Variants in ITGA11 observed in about 807,000 individuals in gnomAD.
ITGA11 encodes integrin alpha-11.
A neutral mutation model predicts 141.9 loss-of-function variants in ITGA11; 97 were observed. The observed-to-expected ratio is 0.68, with a 90% CI of 0.58 to 0.81. The LOEUF (loss-of-function observed/expected upper bound fraction) is 0.81. ITGA11 is among the 30% of genes least tolerant of loss of function. The pLI is 0.00. For synonymous variants in ITGA11, 658 were observed against 624.6 expected, an observed-to-expected ratio of 1.05 and a Z score of -0.80; for missense variants, 1,387 against 1,559.2, an observed-to-expected ratio of 0.89 and a Z score of 1.86.
At chr15:68,363,166 A>T (rs944577889) in intron 4 of ITGA11, among the ~76,000 whole-genome samples, 2 of 152,188 alleles carry the variant, frequency 1.3e-5, no homozygotes, top group Admixed American at 1.3e-4. Context: ...GGGTGGTTGG[A>T]TAGATGAATG....
chr15:68,363,719 C>T (rs1188370186), intron 4 of ITGA11, among the ~76,000 whole-genome samples: 1 of 152,154 alleles, frequency 6.6e-6, no homozygotes, highest in East Asian at 1.9e-4. Context: ...TTTCTAGGAA[C>T]CATCAGTCTC....
In ITGA11 at chr15:68,303,158, A is replaced by T. The variant is rs1473433164; in HGVS notation, c.3496-28T>A. On this transcript the variant is annotated intron_variant, in intron 29 of 29. Transcript: ENST00000315757. This position sits in a 1 kb window ranked among gnomAD's most constrained non-coding sequence, Gnocchi z 5.3. ...GTGAGGAGGCAAAGGGAGACGTCTCAGAGGAGGACAGGGTGGGCAAGGCCT... is the reference window on the plus strand; with the variant it reads ...GTGAGGAGGCAAAGGGAGACGTCTCTGAGGAGGACAGGGTGGGCAAGGCCT... 22 of 1,545,908 alleles carry T rather than the reference A, an allele frequency of 1.4e-5. No individual in the cohort carries two copies. The highest frequency in any genetic ancestry group is 1.9e-5 in the Non-Finnish European group (22 of 1,143,250).
At position 68,409,485 on chromosome 15, in the gene ITGA11, T is replaced by A. The variant is rs144641064; in HGVS notation, c.53-6456A>T. Among the ~76,000 whole-genome samples the A allele has an allele frequency of 8.1e-4, 123 of 152,038 alleles. 1 individual carries two copies. In the South Asian group the frequency reaches 8.4e-3, roughly 10 times the overall value. ...TGACTTAGGTACTGATAGTAGGTAC[T>A]GATAGGTAGTACTGATACTCTACCT... On this transcript the variant is annotated intron_variant, in intron 1 of 29. Transcript: ENST00000315757.
chr15:68,370,010 C>T (rs925067860), intron 2 of ITGA11, among the ~76,000 whole-genome samples: 1 of 152,152 alleles, frequency 6.6e-6, no homozygotes, highest in East Asian at 1.9e-4. Context: ...CACGAGAAGA[C>T]AGAGGCAGAG....
rs1186399978 is a variant in ITGA11, at chr15:68,322,068, T to G, written c.2323-565A>C. Among the ~76,000 whole-genome samples, 1 of 151,422 alleles carries G rather than the reference T, an allele frequency of 6.6e-6. No individual in the cohort carries two copies. The highest frequency in any genetic ancestry group is 1.5e-5 in the Non-Finnish European group (1 of 67,874). ...GTAGCTGTGTGGACCGGGATGGAGG[T>G]GGTGAAGTCCAGGAGGAAGGACGGC... On this transcript the variant is annotated intron_variant, in intron 18 of 29. Coordinates refer to ENST00000315757, the MANE Select transcript of ITGA11 (RefSeq NM_001004439.2). This position sits in a 1 kb window ranked among gnomAD's most constrained non-coding sequence, Gnocchi z 5.6.
chr15:68,385,964 C>T (rs558780300), intron 2 of ITGA11, among the ~76,000 whole-genome samples: 15 of 152,280 alleles, frequency 9.9e-5, no homozygotes, highest in African/African-American at 3.1e-4. Context: ...GGTCCACCTG[C>T]GCCTCCTGGG....
chr15:68,372,575 A>G (rs11072012), intron 2 of ITGA11, among the ~76,000 whole-genome samples: 115,071 of 152,172 alleles, frequency 0.76, 44,036 homozygotes, highest in East Asian at 0.88. Context: ...TGGGCAACAG[A>G]CATTCCAGCC....
At chr15:68,370,929 C>T (rs555287778) in intron 2 of ITGA11, among the ~76,000 whole-genome samples, 16 of 152,264 alleles carry the variant, frequency 1.1e-4, no homozygotes, top group Middle Eastern at 3.4e-3. Flanking sequence ...CTCCCTGCCC[C>T]GGTCCACCTT....
chr15:68,375,885 G>A (rs1895714901), intron 2 of ITGA11, among the ~76,000 whole-genome samples: 1 of 152,174 alleles, frequency 6.6e-6, no homozygotes. Flanking sequence ...GCTAAGGAAA[G>A]CAAATCACCC....
intron 1 of ITGA11, among the ~76,000 whole-genome samples, chr15:68,426,350 G>A (rs949706136): frequency 2.6e-5 from 4 of 152,168 alleles, no homozygotes; most frequent in Non-Finnish European, 4.4e-5. Context: ...GGAGAAGATC[G>A]CCAAACCTTG....
intron 19 of ITGA11, among the ~76,000 whole-genome samples, chr15:68,320,725 C>T (rs1893777156): frequency 6.6e-6 from 1 of 152,176 alleles, no homozygotes; most frequent in East Asian, 1.9e-4. Context: ...AAGCTCAGCA[C>T]TAATGTAGAG....
chr15:68,351,106 T>C, intron 8 of ITGA11, 152 bp downstream of exon 8: 2 of 840,394 alleles, frequency 2.4e-6, no homozygotes, highest in Non-Finnish European at 3.6e-6. Flanking sequence ...AGAAAGATCC[T>C]CAACTTGTTG....
chr15:68,406,432 C>T (rs979268480), intron 1 of ITGA11, among the ~76,000 whole-genome samples: 2 of 152,118 alleles, frequency 1.3e-5, no homozygotes, highest in East Asian at 1.9e-4. Flanking sequence ...GCATCTTTGC[C>T]GTGGCTGTTC....
intron 10 of ITGA11, among the ~76,000 whole-genome samples, chr15:68,347,575 G>A (rs759722860): frequency 1.5e-4 from 23 of 152,210 alleles, no homozygotes; most frequent in African/African-American, 2.2e-4. Flanking sequence ...TCCATCTGCC[G>A]GCTGCATGTC....
rs1555444826 is a variant in ITGA11 at position 68,302,115 on chromosome 15, T to TGTGTGTGTGTG, written c.*943_*944insCACACACACAC. 13 of 133,232 alleles carry TGTGTGTGTGTG rather than the reference T, an allele frequency of 9.8e-5. No individual in the cohort carries two copies. Among genetic ancestry groups the TGTGTGTGTGTG allele is most frequent in the African/African-American group, 1.4e-4 (5 of 35,648 alleles). The allele number at this position is 133,232 out of a possible 1,614,324, so 8.3% of individuals were successfully genotyped here. A position where few individuals can be genotyped will look rare whatever the true frequency, so the allele number is the denominator to read the frequency against. Reference sequence around the variant, plus strand: ...GTGTGTGTGTGTGTGTGTGTGTGTGTAGGGAGGGGGTGATACAGGGAGGGG... The same window carrying TGTGTGTGTGTG: ...GTGTGTGTGTGTGTGTGTGTGTGTGTGTGTGTGTGTGAGGGAGGGGGTGATACAGGGAGGGG... On this transcript the variant is annotated 3_prime_UTR_variant, in exon 30 of 30. Coordinates refer to ENST00000315757, the MANE Select transcript of ITGA11 (RefSeq NM_001004439.2).
chr15:68,319,181 T>C (rs569586940), intron 20 of ITGA11, among the ~76,000 whole-genome samples: 43 of 152,300 alleles, frequency 2.8e-4, no homozygotes, highest in African/African-American at 1.0e-3. Flanking sequence ...GCGCCAGCTG[T>C]GGGGTGGGAA....
At chr15:68,314,487 G>C (rs1254413638) in intron 22 of ITGA11, among the ~76,000 whole-genome samples, 1 of 152,140 alleles carries the variant, frequency 6.6e-6, no homozygotes, top group South Asian at 2.1e-4. Context: ...TACAGTTCTT[G>C]CTTGTTATAT....
intron 2 of ITGA11, among the ~76,000 whole-genome samples, chr15:68,397,751 TTATATTTAAAATATTATATTTAAAA>T (rs1896355574): frequency 1.0e-4 from 3 of 29,012 alleles, no homozygotes; most frequent in South Asian, 2.8e-3. Context: ...ATTTAAAATA[TTATATTTAAAATATTATATTTAAAA>T]TATATTTAAA....
Position 68,321,022 on chromosome 15 carries a change from A to G in ITGA11, c.2408+396T>C, listed in dbSNP as rs1893788032. The stretch of plus-strand genomic sequence containing the variant: ...GGTGTCCCTGGCATCTTTCCATCAG[A>G]AGGATTGGAAAGCCCAAGGTGTTCA... On this transcript the variant is annotated intron_variant, in intron 19 of 29. Transcript: ENST00000315757. This position sits in a 1 kb window ranked among gnomAD's most constrained non-coding sequence, Gnocchi z 4.9. Among the ~76,000 whole-genome samples the G allele has an allele frequency of 6.6e-6, 1 of 151,986 alleles. No individual in the cohort carries two copies. Among genetic ancestry groups the G allele is most frequent in the African/African-American group, 2.4e-5 (1 of 41,370 alleles).
Sources: allele counts gnomAD v4.1 joint callset (sites outside exome capture counted in the v4.1 genomes callset), GRCh38; gene constraint gnomAD v4.1.1; non-coding constraint Gnocchi (gnomAD v3.1); transcripts MANE v1.5; gene names NCBI Gene and HGNC (gene_info 2026-07-23, HGNC 2026-07-21).